TTC27: variants seen among roughly 807,000 people sequenced by gnomAD.
The protein encoded by TTC27 is tetratricopeptide repeat domain 27.
In TTC27, 79 loss-of-function variants were observed where a neutral mutation model predicts 115.9. The observed-to-expected ratio is 0.68, with a 90% CI of 0.57 to 0.82. The LOEUF is 0.82. Ranked by LOEUF, TTC27 falls within the 40% of genes least tolerant of loss-of-function variation. The probability of loss-of-function intolerance (pLI) is 0.00; values close to 1 mark genes in which losing one functional copy is unlikely to be tolerated. For synonymous variants in TTC27, 401 were observed against 356.0 expected (o/e 1.13, Z -1.42); for missense variants, 1,054 against 993.1 (o/e 1.06, Z -0.82).
At chr2:32,680,833 T>C (rs565838450) in intron 9 of TTC27, among the ~76,000 whole-genome samples, 6 of 152,342 alleles carry the variant, frequency 3.9e-5, no homozygotes, top group African/African-American at 1.4e-4. Context: ...ACTAGCACAC[T>C]CTTTTTACAT....
chr2:32,669,883 C>CAAAAAAAAAA (rs70938358), intron 7 of TTC27, among the ~76,000 whole-genome samples: 1 of 108,808 alleles, frequency 9.2e-6, no homozygotes, highest in Non-Finnish European at 1.8e-5. Context: ...GAGACTTTCT[C>CAAAAAAAAAA]AAAAAAAAAA....
intron 7 of TTC27, among the ~76,000 whole-genome samples, chr2:32,670,108 C>T (rs1418260771): frequency 3.3e-5 from 5 of 151,668 alleles, no homozygotes; most frequent in South Asian, 2.1e-4. Flanking sequence ...GAACTTCTGA[C>T]GTCGGGTGAT....
intron 9 of TTC27, among the ~76,000 whole-genome samples, chr2:32,702,031 A>ACAAAAG (rs1255274691): frequency 1.3e-5 from 2 of 150,736 alleles, no homozygotes; most frequent in East Asian, 3.9e-4. Context: ...AAAAACAAAA[A>ACAAAAG]CAAAAAAAAC....
At chr2:32,706,815 C>T (rs1400372552) in intron 10 of TTC27, among the ~76,000 whole-genome samples, 1 of 152,030 alleles carries the variant, frequency 6.6e-6, no homozygotes, top group Non-Finnish European at 1.5e-5. Flanking sequence ...CCACCTGCCT[C>T]GACCTCTCAA....
intron 9 of TTC27, among the ~76,000 whole-genome samples, chr2:32,680,676 G>A (rs1474565689): frequency 2.0e-5 from 3 of 152,152 alleles, no homozygotes; most frequent in African/African-American, 4.8e-5. Context: ...TGGTGACCTG[G>A]ATGCTTGGCT....
At chr2:32,808,160 C>T (rs1671197993) in intron 16 of TTC27, among the ~76,000 whole-genome samples, 1 of 151,950 alleles carries the variant, frequency 6.6e-6, no homozygotes, top group East Asian at 1.9e-4. Flanking sequence ...GTCTTGAATT[C>T]CCGACCTCAT....
intron 10 of TTC27, among the ~76,000 whole-genome samples, chr2:32,708,840 T>C (rs1667475888): frequency 6.6e-6 from 1 of 152,186 alleles, no homozygotes; most frequent in African/African-American, 2.4e-5. Flanking sequence ...CATGACTCTA[T>C]CTGCTCCCTT....
chr2:32,782,879 T>C (rs1670228264), intron 15 of TTC27, among the ~76,000 whole-genome samples: 1 of 152,204 alleles, frequency 6.6e-6, no homozygotes, highest in Admixed American at 6.5e-5. Flanking sequence ...CTTAAAAACA[T>C]TTCATATGTA....
rs142539996 is a variant in TTC27 at position 32,807,666 on chromosome 2, G to A, written c.1999-3358G>A. On this transcript the variant is annotated intron_variant, in intron 16 of 19. Transcript: ENST00000317907. ...TTCATTTTTTGTGATGTTAATAATC[G>A]TCTTGGTTTTTATGTTTTTTCTTTC... is the stretch of plus-strand genomic sequence containing the variant. 7.8e-3 allele frequency among the ~76,000 whole-genome samples: 1,191 copies of A among 152,072 alleles called. 10 individuals are homozygous for A. Among genetic ancestry groups the A allele is most frequent in the Middle Eastern group, 0.02 (6 of 294 alleles).
chr2:32,666,328 A>T (rs940284853), intron 6 of TTC27, among the ~76,000 whole-genome samples: 2 of 149,680 alleles, frequency 1.3e-5, no homozygotes, highest in Admixed American at 1.3e-4. Context: ...AGATAATAAT[A>T]GTTCTTCTAC....
chr2:32,682,306 T>C, intron 9 of TTC27, among the ~76,000 whole-genome samples: 1 of 152,126 alleles, frequency 6.6e-6, no homozygotes, highest in East Asian at 1.9e-4. Context: ...TTCCGTAAAA[T>C]GGGGGAAAGA....
At chr2:32,806,140 T>A (rs1489171809) in intron 16 of TTC27, among the ~76,000 whole-genome samples, 6 of 152,228 alleles carry the variant, frequency 3.9e-5, no homozygotes, top group Non-Finnish European at 8.8e-5. Flanking sequence ...ATTACATATG[T>A]AGTAATTTAT....
chr2:32,795,724 T>TATATTATTATTATTA (rs1558348121), intron 16 of TTC27, among the ~76,000 whole-genome samples: 135 of 54,806 alleles, frequency 2.5e-3, no homozygotes, highest in African/African-American at 0.012. Context: ...GGCTAATTTT[T>TATATTATTATTATTA]GTATTATTAT....
intron 5 of TTC27, among the ~76,000 whole-genome samples, chr2:32,660,737 T>C (rs1258744355): frequency 6.6e-6 from 1 of 152,230 alleles, no homozygotes; most frequent in East Asian, 1.9e-4. Context: ...ACTCTGATGA[T>C]AGTTTCTTTT....
intron 13 of TTC27, among the ~76,000 whole-genome samples, chr2:32,772,401 C>T (rs144655896): frequency 1.4e-3 from 212 of 152,230 alleles, no homozygotes; most frequent in African/African-American, 4.8e-3. Flanking sequence ...AAATACCGGA[C>T]GATCCCTGAC....
chr2:32,760,739 G>C (rs1388059165), intron 13 of TTC27, among the ~76,000 whole-genome samples: 1 of 152,138 alleles, frequency 6.6e-6, no homozygotes, highest in African/African-American at 2.4e-5. Flanking sequence ...CCTTATGAGT[G>C]GGGGAAGTGA....
intron 12 of TTC27, among the ~76,000 whole-genome samples, chr2:32,741,635 G>A (rs1668643939): frequency 6.9e-6 from 1 of 145,340 alleles, no homozygotes; most frequent in Non-Finnish European, 1.5e-5. Flanking sequence ...CTGGGTGACA[G>A]AGCGAGAATC....
intron 13 of TTC27, among the ~76,000 whole-genome samples, chr2:32,770,982 A>G (rs1238611772): frequency 6.6e-6 from 1 of 152,186 alleles, no homozygotes; most frequent in East Asian, 1.9e-4. Context: ...GGTAAGCAGT[A>G]CAGAATGAAA....
In TTC27 at chr2:32,748,657, T is replaced by C. The variant is rs555018082; in HGVS notation, c.1453-9635T>C. Among the ~76,000 whole-genome samples, 3 of 152,250 alleles carry C rather than the reference T, an allele frequency of 2.0e-5. No homozygotes were observed. The South Asian group carries it at 6.2e-4, about 32-fold the overall frequency. Reference sequence around the variant, plus strand: ...ATCTTTCTTGATGGAGTAAACATTTTATCATAAAAATGTGCCTTTGTTCTA... The same window carrying C: ...ATCTTTCTTGATGGAGTAAACATTTCATCATAAAAATGTGCCTTTGTTCTA... On this transcript the variant is annotated intron_variant, in intron 12 of 19. Transcript: ENST00000317907.
Sources: gnomAD v4.1 joint callset for allele counts (sites outside exome capture counted in the v4.1 genomes callset) on GRCh38, gnomAD v4.1.1 for gene constraint, MANE v1.5 for transcripts, NCBI Gene and HGNC (gene_info 2026-07-23, HGNC 2026-07-21) for gene names.